Variants in MYCBP2 observed in about 807,000 individuals in gnomAD.
MYCBP2 encodes the protein MYC binding protein 2.
In MYCBP2, 120 loss-of-function variants were observed where a neutral mutation model predicts 525.3. The observed-to-expected ratio is 0.23, with a 90% CI of 0.20 to 0.27. The LOEUF (loss-of-function observed/expected upper bound fraction) is 0.27. MYCBP2 is among the 10% of genes least tolerant of loss of function. The pLI, the probability that MYCBP2 is intolerant of heterozygous loss-of-function variation, is 1.00. For synonymous variants in MYCBP2, 1,894 were observed against 1,955.8 expected, an observed-to-expected ratio of 0.97 and a Z score of 0.83; for missense variants, 4,149 against 5,657.1, an observed-to-expected ratio of 0.73 and a Z score of 8.55.
In MYCBP2 at chr13:77,083,136, T is replaced by C. The variant is rs1258339328; in HGVS notation, c.10932A>G (p.Glu3644=). 1 of 1,613,546 alleles carries C rather than the reference T, an allele frequency of 6.2e-7. No homozygotes were observed. Among genetic ancestry groups the C allele is most frequent in the Non-Finnish European group, 8.5e-7 (1 of 1,179,652 alleles). Residue 3644 remains glutamate, a synonymous_variant, in exon 63 of 83, where the codon GAA becomes GAG. Transcript: ENST00000544440. ...HPLSDIVIAG[E]AAHPLPHTFH... is the part of the protein sequence containing the mutation. ...AGGTGTGTGGTAAAGGATGAGCAGC[T>C]TCCCCGGCAATCACTATGTCTGAGA...
At chr13:77,262,249 A>T in intron 10 of MYCBP2, 120 bp from the exon 11 acceptor site, 2 of 746,402 alleles carry the variant, frequency 2.7e-6, no homozygotes, top group Non-Finnish European at 4.2e-6. Context: ...AAGGATGACA[A>T]AATGTCATGT....
chr13:77,153,372 T>C (rs1206215131), intron 46 of MYCBP2, among the ~76,000 whole-genome samples: 1 of 152,198 alleles, frequency 6.6e-6, no homozygotes, highest in African/African-American at 2.4e-5. Context: ...GCAAGGGGTT[T>C]GAGTGCAGCA....
Position 77,326,768 on chromosome 13 carries a change from A to G in MYCBP2, c.8T>C (p.Met3Thr). ...GGCGGGGGAGGCAGTCGCTGCGCACATCATCATCCTCGCCGCCGCCGCCGC... is the reference window on the plus strand; with the variant it reads ...GGCGGGGGAGGCAGTCGCTGCGCACGTCATCATCCTCGCCGCCGCCGCCGC... MM[M>T]CAATASPAAA... is the part of the protein sequence containing the mutation. Residue 3 changes from methionine to threonine, a missense_variant, in exon 1 of 83, where the codon ATG (methionine) becomes ACG (threonine). Transcript: ENST00000544440. The surrounding 1 kb of genome is among the most constrained non-coding windows in gnomAD (Gnocchi z 4.2). 1 of 1,409,000 alleles carries G rather than the reference A, an allele frequency of 7.1e-7. No homozygotes were observed. The allele number at this position is 1,409,000 out of a possible 1,614,324, so 87.3% of individuals were successfully genotyped here.
chr13:77,324,113 TCAC>T lies in MYCBP2; in HGVS notation c.302+2358_302+2360del, dbSNP rs148405843. Reference sequence around the variant, plus strand: ...ACCAAAAACACATTCCATTCACTCCTCACCACATCCCTCTATTCTGACCACTTC... The same window carrying T: ...ACCAAAAACACATTCCATTCACTCCTCACATCCCTCTATTCTGACCACTTC... On this transcript the variant is annotated intron_variant, in intron 1 of 82. Coordinates refer to ENST00000544440, the MANE Select transcript of MYCBP2 (RefSeq NM_015057.5). 5.6e-3 allele frequency among the ~76,000 whole-genome samples: 848 copies of T among 152,316 alleles called. 9 individuals carry two copies. Among genetic ancestry groups the T allele is most frequent in the African/African-American group, 0.02 (816 of 41,552 alleles).
chr13:77,045,553 CT>C, intron 82 of MYCBP2, 60 bp from the exon 83 acceptor site: 1 of 1,004,260 alleles, frequency 1.0e-6, no homozygotes, highest in Non-Finnish European at 1.5e-6. Context: ...ACATATAAAC[CT>C]CACAGAAATA....
intron 2 of MYCBP2, among the ~76,000 whole-genome samples, chr13:77,291,197 A>C (rs2149075): frequency 4.6e-5 from 7 of 152,348 alleles, no homozygotes; most frequent in Non-Finnish European, 8.8e-5. Context: ...AATAAGAAGA[A>C]GACAATTACA....
intron 1 of MYCBP2, among the ~76,000 whole-genome samples, chr13:77,310,130 A>G (rs2079990525): frequency 6.6e-6 from 1 of 152,214 alleles, no homozygotes; most frequent in African/African-American, 2.4e-5. Context: ...GACAAAAAAA[A>G]GAAAACAAAC....
intron 44 of MYCBP2, among the ~76,000 whole-genome samples, chr13:77,161,453 T>C (rs1029449162): frequency 2.0e-5 from 3 of 152,188 alleles, no homozygotes; most frequent in African/African-American, 7.2e-5. Flanking sequence ...CCCTAACCAC[T>C]TAATATGACA....
At position 77,087,621 on chromosome 13, in the gene MYCBP2, G is replaced by A; in HGVS notation, c.10738C>T (p.Leu3580Phe). ...GTGGTTTGGATGACATTACACAGAA[G>A]CCAGTTGAAAGCCTGAAGAAATGAC... Reference protein sequence around the residue: ...RVFAMEAFNWLLCNVIQTTSL... With the variant: ...RVFAMEAFNWFLCNVIQTTSL... Residue 3580 changes from leucine to phenylalanine, a missense_variant, in exon 62 of 83, where the codon CTT (leucine) becomes TTT (phenylalanine). Leu to Phe is a conservative substitution (Grantham distance 22). Transcript: ENST00000544440. 1 of 1,610,484 alleles carries A rather than the reference G, an allele frequency of 6.2e-7. No homozygotes were observed. The highest frequency in any genetic ancestry group is 2.2e-5 in the East Asian group (1 of 44,764).
chr13:77,162,953 A>G (rs867341699), intron 43 of MYCBP2, among the ~76,000 whole-genome samples: 21 of 152,150 alleles, frequency 1.4e-4, no homozygotes, highest in African/African-American at 4.6e-4. Flanking sequence ...ACTTTTTTGT[A>G]ATATACAGAG....
chr13:77,240,665 T>C (rs189045857), intron 17 of MYCBP2, among the ~76,000 whole-genome samples: 41 of 152,232 alleles, frequency 2.7e-4, no homozygotes, highest in Admixed American at 2.6e-3. Flanking sequence ...TCACTTTGCA[T>C]AGTGCTGTGT....
rs77434767 is a variant in MYCBP2 at position 77,143,474 on chromosome 13, C to T, written c.7303+971G>A. Among the ~76,000 whole-genome samples, 1,009 of 152,232 alleles carry T rather than the reference C, an allele frequency of 6.6e-3. 6 individuals carry two copies. Among genetic ancestry groups the T allele is most frequent in the Middle Eastern group, 0.02 (6 of 294 alleles). On this transcript the variant is annotated intron_variant, in intron 49 of 82. Transcript: ENST00000544440. ...GACTCCAGGACTTATTATTAGTGGC[C>T]CTCCTGGATTCTCAGACCTTTGGCC...
chr13:77,102,543 T>A (rs1313500884), intron 55 of MYCBP2, among the ~76,000 whole-genome samples: 1 of 151,526 alleles, frequency 6.6e-6, no homozygotes, highest in South Asian at 2.1e-4. Context: ...TAAGTAGGCA[T>A]CTGTAGTGTT....
intron 48 of MYCBP2, among the ~76,000 whole-genome samples, chr13:77,145,288 T>C (rs1285437141): frequency 1.3e-5 from 2 of 152,194 alleles, no homozygotes; most frequent in Admixed American, 1.3e-4. Context: ...AGCTGACAAC[T>C]CTTCCTATCT....
intron 55 of MYCBP2, among the ~76,000 whole-genome samples, chr13:77,110,930 A>G (rs534108479): frequency 5.3e-5 from 8 of 152,312 alleles, no homozygotes; most frequent in African/African-American, 1.4e-4. Context: ...AAATTATGCC[A>G]TCATAAGACA....
At chr13:77,086,794 C>T (rs2044366629) in intron 62 of MYCBP2, among the ~76,000 whole-genome samples, 1 of 151,976 alleles carries the variant, frequency 6.6e-6, no homozygotes, top group Non-Finnish European at 1.5e-5. Flanking sequence ...ATCCATCATT[C>T]TCTTATATTT....
intron 1 of MYCBP2, among the ~76,000 whole-genome samples, chr13:77,309,751 A>C (rs980530502): frequency 6.6e-6 from 1 of 152,132 alleles, no homozygotes; most frequent in Non-Finnish European, 1.5e-5. Context: ...CTTTTCATTC[A>C]TCCTCTATAA....
chr13:77,297,038 G>C (rs1427193353), intron 1 of MYCBP2, among the ~76,000 whole-genome samples: 1 of 152,036 alleles, frequency 6.6e-6, no homozygotes, highest in Non-Finnish European at 1.5e-5. Context: ...TGCTCTTTTT[G>C]GTAGTGAGGG....
rs1477439448 is a variant in MYCBP2, at chr13:77,097,358, A to C, written c.9784+12T>G. 1 of 1,583,642 alleles carries C rather than the reference A, an allele frequency of 6.3e-7. No homozygotes were observed. Among genetic ancestry groups the C allele is most frequent in the South Asian group, 1.2e-5 (1 of 85,530 alleles). On this transcript the variant is annotated intron_variant, in intron 56 of 82. Transcript: ENST00000544440. ...AAAAGCACTTATACGTACATTCAAC[A>C]GTATCATTTACCTGGGTGAGCTTGT...
Sources: allele counts gnomAD v4.1 joint callset (sites outside exome capture counted in the v4.1 genomes callset), GRCh38; gene constraint gnomAD v4.1.1; non-coding constraint Gnocchi (gnomAD v3.1); transcripts MANE v1.5; gene names NCBI Gene and HGNC (gene_info 2026-07-23, HGNC 2026-07-21).